The following SLC2A13 variants were observed in gnomAD, a reference collection of about 807,000 sequenced individuals.
The protein encoded by SLC2A13 is solute carrier family 2 member 13.
Under a neutral mutation model 64.4 loss-of-function variants are expected in SLC2A13, and 32 were observed. That is an observed-to-expected ratio of 0.50 (90% CI 0.37 to 0.67). SLC2A13 has a LOEUF of 0.67. Among genes scored for constraint, SLC2A13 ranks in the 30% least tolerant of loss-of-function variants. The pLI, the probability that SLC2A13 is intolerant of heterozygous loss-of-function variation, is 0.00. For synonymous variants in SLC2A13, 338 were observed against 327.1 expected (o/e 1.03, Z -0.36); for missense variants, 743 against 829.2 (o/e 0.90, Z 1.28).
intron 6 of SLC2A13, among the ~76,000 whole-genome samples, chr12:39,858,600 C>T (rs1371347057): frequency 6.6e-6 from 1 of 152,096 alleles, no homozygotes; most frequent in Non-Finnish European, 1.5e-5. Context: ...AGGGTTTTTA[C>T]ACATTTCTTT....
intron 3 of SLC2A13, among the ~76,000 whole-genome samples, chr12:39,966,399 C>T (rs565639067): frequency 5.9e-5 from 9 of 152,106 alleles, no homozygotes; most frequent in Admixed American, 3.3e-4. Flanking sequence ...TCTGTTCCTT[C>T]TTCCATGTTT....
At chr12:39,806,460 C>G (rs115257437) in intron 7 of SLC2A13, among the ~76,000 whole-genome samples, 3,687 of 152,208 alleles carry the variant, frequency 0.024, 153 homozygotes, top group African/African-American at 0.084. Context: ...TATATATTTT[C>G]CCTGGGATCC....
At chr12:39,973,070 T>G (rs779072881) in intron 3 of SLC2A13, among the ~76,000 whole-genome samples, 12 of 151,990 alleles carry the variant, frequency 7.9e-5, no homozygotes, top group Non-Finnish European at 1.6e-4. Flanking sequence ...TCCATCTCAA[T>G]CAATCAATCA....
At chr12:39,999,620 A>G (rs982429904) in intron 3 of SLC2A13, among the ~76,000 whole-genome samples, 1 of 152,192 alleles carries the variant, frequency 6.6e-6, no homozygotes, top group African/African-American at 2.4e-5. Context: ...TTGTTTGTTT[A>G]TCAAGACAAT....
intron 7 of SLC2A13, among the ~76,000 whole-genome samples, chr12:39,791,279 C>T (rs1372407413): frequency 8.0e-6 from 1 of 124,976 alleles, no homozygotes; most frequent in Non-Finnish European, 1.7e-5. Flanking sequence ...ACTGAATGGG[C>T]AAAAACTGGA....
At chr12:39,868,823 C>A (rs1366161768) in intron 5 of SLC2A13, among the ~76,000 whole-genome samples, 3 of 152,118 alleles carry the variant, frequency 2.0e-5, no homozygotes, top group Non-Finnish European at 2.9e-5. Context: ...CCAAAAATGT[C>A]CTACATTTAA....
chr12:40,020,575 C>A (rs1011903197), intron 3 of SLC2A13, among the ~76,000 whole-genome samples: 1 of 152,078 alleles, frequency 6.6e-6, no homozygotes, highest in African/African-American at 2.4e-5. Flanking sequence ...TAGACTAATA[C>A]ACATGGCCAT....
intron 2 of SLC2A13, among the ~76,000 whole-genome samples, chr12:40,032,284 C>T (rs1375300289): frequency 2.6e-5 from 4 of 152,212 alleles, no homozygotes; most frequent in Non-Finnish European, 4.4e-5. Flanking sequence ...TTACCTTCTA[C>T]GGACAAGCAA....
At chr12:39,838,587 C>G (rs1028865835) in intron 6 of SLC2A13, among the ~76,000 whole-genome samples, 2 of 150,148 alleles carry the variant, frequency 1.3e-5, no homozygotes, top group Non-Finnish European at 3.0e-5. Context: ...TAGAACAAAA[C>G]TGGCTCTAAA....
chr12:39,843,071 C>T (rs992369614), intron 6 of SLC2A13, among the ~76,000 whole-genome samples: 2 of 151,906 alleles, frequency 1.3e-5, no homozygotes, highest in Non-Finnish European at 2.9e-5. Flanking sequence ...AAAACTGTTG[C>T]TATGAACATT....
At chr12:40,098,425 G>A (rs1377528351) in intron 1 of SLC2A13, among the ~76,000 whole-genome samples, 2 of 152,206 alleles carry the variant, frequency 1.3e-5, no homozygotes, top group Non-Finnish European at 2.9e-5. Flanking sequence ...GTGCAACAAT[G>A]TGAATATACC....
intron 1 of SLC2A13, among the ~76,000 whole-genome samples, chr12:40,056,497 C>T (rs558011600): frequency 1.3e-5 from 2 of 152,170 alleles, no homozygotes; most frequent in East Asian, 3.9e-4. Context: ...GTGGAATGCA[C>T]AAAGGTTAAT....
intron 1 of SLC2A13, among the ~76,000 whole-genome samples, chr12:40,081,997 T>C (rs1938420209): frequency 6.6e-6 from 1 of 152,220 alleles, no homozygotes; most frequent in Non-Finnish European, 1.5e-5. Flanking sequence ...CCTGGGGACC[T>C]GGGACCAGGC....
At chr12:40,104,957 T>G (rs942295889) in intron 1 of SLC2A13, among the ~76,000 whole-genome samples, 1 of 152,156 alleles carries the variant, frequency 6.6e-6, no homozygotes, top group Admixed American at 6.5e-5. Flanking sequence ...GCTAGGTTTC[T>G]GGAAGTGCTG....
intron 4 of SLC2A13, among the ~76,000 whole-genome samples, chr12:39,885,754 G>T (rs1241706669): frequency 6.6e-6 from 1 of 152,082 alleles, no homozygotes; most frequent in Non-Finnish European, 1.5e-5. Context: ...GAGCAACATG[G>T]TTCTCAAACT....
chr12:39,907,809 C>T (rs11174235), intron 4 of SLC2A13: 62,564 of 151,946 alleles, frequency 0.41, 14,081 homozygotes, highest in Middle Eastern at 0.51. Context: ...ATGAACCTGC[C>T]TGATTCTCCA....
intron 1 of SLC2A13, among the ~76,000 whole-genome samples, chr12:40,066,733 G>A (rs1016018396): frequency 6.6e-6 from 1 of 152,154 alleles, no homozygotes; most frequent in Non-Finnish European, 1.5e-5. Context: ...ATAAGAGGCG[G>A]AAGATTGCTT....
chr12:40,086,011 G>T (rs1306896591), intron 1 of SLC2A13, among the ~76,000 whole-genome samples: 1 of 152,118 alleles, frequency 6.6e-6, no homozygotes, highest in East Asian at 1.9e-4. Flanking sequence ...GCTAATTTTT[G>T]TATTTTTAGT....
chr12:39,968,637 A>C (rs1215511288), intron 3 of SLC2A13, among the ~76,000 whole-genome samples: 1 of 151,720 alleles, frequency 6.6e-6, no homozygotes, highest in Admixed American at 6.6e-5. Flanking sequence ...TCCCAAGTCT[A>C]CCAACCTACA....
Sources: allele counts gnomAD v4.1 joint callset (sites outside exome capture counted in the v4.1 genomes callset), GRCh38; gene constraint gnomAD v4.1.1; transcripts MANE v1.5; gene names NCBI Gene and HGNC (gene_info 2026-07-23, HGNC 2026-07-21).